Variants in TMEM160 observed in about 807,000 individuals in gnomAD.
The protein encoded by TMEM160 is transmembrane protein 160.
A neutral mutation model predicts 13.9 loss-of-function variants in TMEM160; 10 were observed. That is an observed-to-expected ratio of 0.72 (90% CI 0.45 to 1.22). The LOEUF is 1.22. Among genes scored for constraint, TMEM160 ranks in the 50% most tolerant of loss-of-function variants. The pLI is 0.00. For missense variants in TMEM160, 287 were observed against 283.2 expected, an observed-to-expected ratio of 1.01 and a Z score of -0.10; for synonymous variants, 159 against 134.8, an observed-to-expected ratio of 1.18 and a Z score of -1.25.
chr19:47,046,726 AC>A (rs755574629), intron 1 of TMEM160, 41 bp from the exon 2 acceptor site: 49 of 1,404,150 alleles, frequency 3.5e-5, no homozygotes, highest in Middle Eastern at 3.5e-4. Context: ...ATCACCCCCA[AC>A]CCTACCTCCT....
intron 2 of TMEM160, 54 bp downstream of exon 2, chr19:47,046,539 T>C: frequency 4.1e-6 from 6 of 1,447,728 alleles, no homozygotes; most frequent in Non-Finnish European, 3.9e-6. Context: ...GGGCAGGTGA[T>C]AGGGGCTCTG....
At chr19:47,048,602 AGCCGCCTCCCATGATTCGCACTACG>A (rs2057093847) in exon 1 of TMEM160, 1 of 1,534,222 alleles carries the variant, frequency 6.5e-7, no homozygotes, top group Non-Finnish European at 8.7e-7. Context: ...GCCCACCACC[AGCCGCCTCCCATGATTCGCACTACG>A]GCCGCCGCGC....
intron 1 of TMEM160, chr19:47,047,420 C>A (rs1691599392): frequency 1.0e-6 from 1 of 985,374 alleles, no homozygotes; most frequent in Admixed American, 6.1e-5. Context: ...TCTTTTCCTT[C>A]AAATGCCGCC....
In TMEM160 at chr19:47,048,471, C is replaced by A; in HGVS notation, c.144G>T (p.Ser48=). 7.1e-7 allele frequency: 1 copy of A among 1,408,778 alleles called. No individual in the cohort carries two copies. 87.3% of individuals were successfully genotyped at this position (1,408,778 alleles called of 1,614,324 possible). ...APGHGPRAGA[S]PPPVSELDRA... is the part of the protein sequence containing the mutation. ...GATCCAGCTCGGACACTGGGGGCGGCGAAGCCCCGGCGCGGGGACCGTGGC... is the reference window on the plus strand; with the variant it reads ...GATCCAGCTCGGACACTGGGGGCGGAGAAGCCCCGGCGCGGGGACCGTGGC... Residue 48 remains serine (S), a synonymous_variant, in exon 1 of 3, where the codon TCG becomes TCT. Transcript: ENST00000253047.
intron 1 of TMEM160, among the ~76,000 whole-genome samples, chr19:47,046,926 C>T (rs1352455948): frequency 6.6e-6 from 1 of 152,176 alleles, no homozygotes; most frequent in East Asian, 1.9e-4. Context: ...ACTAAGGATT[C>T]AAGGGCCGGG....
At chr19:47,047,672 A>G in intron 1 of TMEM160, 1 of 755,718 alleles carries the variant, frequency 1.3e-6, no homozygotes, top group South Asian at 6.0e-5. Flanking sequence ...CAACAAAGCA[A>G]GACCCCGTCT....
Position 47,046,692 on chromosome 19 carries a change from G to T in TMEM160, c.209-7C>A. On this transcript the variant is annotated splice_region_variant and splice_polypyrimidine_tract_variant and intron_variant, in intron 1 of 2. Coordinates refer to ENST00000253047, the MANE Select transcript of TMEM160 (RefSeq NM_017854.2). ...CGGAACCAGGAGAGGAAGGCTGGAG[G>T]GAGGGGGACATGGGGGGATTAACAT... 3 of 1,608,262 alleles carry T rather than the reference G, an allele frequency of 1.9e-6. No homozygotes were observed. Among genetic ancestry groups the T allele is most frequent in the Non-Finnish European group, 2.6e-6 (3 of 1,175,812 alleles).
chr19:47,047,622 A>G lies in TMEM160; in HGVS notation c.208+785T>C, dbSNP rs1053065385. 1.2e-5 allele frequency: 12 copies of G among 974,646 alleles called. No individual in the cohort carries two copies. In the Admixed American group the frequency reaches 7.4e-4, roughly 60 times the overall value. 60.4% of individuals were successfully genotyped at this position (974,646 alleles called of 1,614,324 possible). ...TCCCAGCACTTTGGGAAGCCAAGGCAGGAGGATTCTCTGAGCCCAAGAGTT... is the reference window on the plus strand; with the variant it reads ...TCCCAGCACTTTGGGAAGCCAAGGCGGGAGGATTCTCTGAGCCCAAGAGTT... On this transcript the variant is annotated intron_variant, in intron 1 of 2. Coordinates refer to ENST00000253047, the MANE Select transcript of TMEM160 (RefSeq NM_017854.2).
chr19:47,046,487 A>C, intron 2 of TMEM160, 106 bp downstream of exon 2: 1 of 1,026,146 alleles, frequency 9.7e-7, no homozygotes, highest in Admixed American at 1.8e-5. Context: ...TTCTATACTT[A>C]CTACTGGGAG....
At chr19:47,047,683 C>A (rs1438462292) in intron 1 of TMEM160, 2 of 713,482 alleles carry the variant, frequency 2.8e-6, no homozygotes, top group Admixed American at 1.3e-4. Flanking sequence ...GACCCCGTCT[C>A]TACATAAATT....
rs1244679423 is a variant in TMEM160, at chr19:47,046,131, G to C, written c.423C>G (p.Ala141=). The change falls in exon 3 of 3, where the codon GCC becomes GCG. Residue 141 remains alanine (A), a synonymous_variant. Coordinates refer to ENST00000253047, the MANE Select transcript of TMEM160 (RefSeq NM_017854.2). ...CCCAGAGCAGGCTGGCGGCCAGCAC[G>C]GCGCCCGCGCCCACGGCCGCGCCCC... The part of the protein sequence containing the change: ...TLGGAAVGAG[A]VLAASLLWAC... 4.0e-6 allele frequency: 6 copies of C among 1,489,280 alleles called. No individual in the cohort carries two copies. The highest frequency in any genetic ancestry group is 1.5e-5 in the African/African-American group (1 of 68,356). 92.3% of individuals were successfully genotyped at this position (1,489,280 alleles called of 1,614,324 possible). A position where few individuals can be genotyped will look rare whatever the true frequency, so the allele number is the denominator to read the frequency against.
In TMEM160 at chr19:47,047,795, A is replaced by G. The variant is rs1028187761; in HGVS notation, c.208+612T>C. ...CAGGAGTTCAAGGCTGCAGTGGGCTACGATTGCGCCACTGCGGTCCAGCCT... is the reference window on the plus strand; with the variant it reads ...CAGGAGTTCAAGGCTGCAGTGGGCTGCGATTGCGCCACTGCGGTCCAGCCT... On this transcript the variant is annotated intron_variant, in intron 1 of 2. Coordinates refer to ENST00000253047, the MANE Select transcript of TMEM160 (RefSeq NM_017854.2). 6 of 741,930 alleles carry G rather than the reference A, an allele frequency of 8.1e-6. No homozygotes were observed. The African/African-American group carries it at 1.1e-4, about 14-fold the overall frequency. 46.0% of individuals were successfully genotyped at this position (741,930 alleles called of 1,614,324 possible). A position where few individuals can be genotyped will look rare whatever the true frequency, so the allele number is the denominator to read the frequency against.
At chr19:47,047,266 CA>C (rs1353392212) in intron 1 of TMEM160, 15 of 985,284 alleles carry the variant, frequency 1.5e-5, no homozygotes, top group African/African-American at 1.7e-5. Context: ...AATCTAGGGG[CA>C]AAGTTGCAGA....
intron 1 of TMEM160, 89 bp downstream of exon 1, chr19:47,048,318 T>A (rs1171419872): frequency 8.4e-7 from 1 of 1,190,624 alleles, no homozygotes; most frequent in Non-Finnish European, 1.1e-6. Context: ...CCGGGCCCCG[T>A]TTCCTGCAGA....
At chr19:47,048,384 C>A (rs1449108733) in intron 1 of TMEM160, 23 bp downstream of exon 1, 1 of 1,485,352 alleles carries the variant, frequency 6.7e-7, no homozygotes, top group Middle Eastern at 2.4e-4. Context: ...CCATCCGCAC[C>A]GCCCCCACCC....
intron 1 of TMEM160, 109 bp downstream of exon 1, chr19:47,048,298 G>C (rs766812147): frequency 8.9e-5 from 91 of 1,019,884 alleles, no homozygotes; most frequent in Non-Finnish European, 1.2e-4. Flanking sequence ...AGCCCTTCTC[G>C]GAGCCGAGCC....
chr19:47,045,962 C>A lies in TMEM160; in HGVS notation c.*25G>T. The A allele has an allele frequency of 1.3e-6, 2 of 1,524,560 alleles. No individual in the cohort carries two copies. The highest frequency in any genetic ancestry group is 2.4e-5 in the South Asian group (2 of 82,396). 94.4% of individuals were successfully genotyped at this position (1,524,560 alleles called of 1,614,324 possible). On this transcript the variant is annotated 3_prime_UTR_variant, in exon 3 of 3. Coordinates refer to ENST00000253047, the MANE Select transcript of TMEM160 (RefSeq NM_017854.2). ...CCAGTCCTCGGGCGCTGTCCAGCGC[C>A]TGCCAGGCCCCACGGCCGTGTCGCT... is the stretch of plus-strand genomic sequence containing the variant.
At chr19:47,047,591 C>T (rs2057087724) in intron 1 of TMEM160, 2 of 984,708 alleles carry the variant, frequency 2.0e-6, no homozygotes, top group African/African-American at 3.5e-5. Context: ...TGACTCACAC[C>T]TATAATCCCA....
In TMEM160 at chr19:47,048,510, C is replaced by A. The variant is rs1248365209; in HGVS notation, c.105G>T (p.Gly35=). 10 of 1,464,046 alleles carry A rather than the reference C, an allele frequency of 6.8e-6. No individual in the cohort carries two copies. The East Asian group carries it at 1.1e-4, about 17-fold the overall frequency. 90.7% of individuals were successfully genotyped at this position (1,464,046 alleles called of 1,614,324 possible). A position where few individuals can be genotyped will look rare whatever the true frequency, so the allele number is the denominator to read the frequency against. ...PQRPRSGGAR[G]SFAPGHGPRA... ...GGGGACCGTGGCCGGGGGCGAAGGA[C>A]CCCCGGGCGCCCCCGCTCCGGGGCC... Residue 35 remains glycine, a synonymous_variant, in exon 1 of 3, where the codon GGG becomes GGT. Transcript: ENST00000253047.
Sources: allele counts gnomAD v4.1 joint callset (sites outside exome capture counted in the v4.1 genomes callset), GRCh38; gene constraint gnomAD v4.1.1; transcripts MANE v1.5; gene names NCBI Gene and HGNC (gene_info 2026-07-23, HGNC 2026-07-21).